IRS1: variants seen among roughly 807,000 people sequenced by gnomAD.
IRS1 encodes insulin receptor substrate 1.
In IRS1, 34 loss-of-function variants were observed where a neutral mutation model predicts 65.6. The observed-to-expected ratio is 0.52, with a 90% CI of 0.39 to 0.69. The LOEUF (loss-of-function observed/expected upper bound fraction) is 0.69, where lower values mean the gene tolerates loss of function less well. Among genes scored for constraint, IRS1 ranks in the 30% least tolerant of loss-of-function variants. IRS1 has a pLI of 0.00. For missense variants in IRS1, 1,641 were observed against 1,720.2 expected, an observed-to-expected ratio of 0.95 and a Z score of 0.81; for synonymous variants, 699 against 683.5, an observed-to-expected ratio of 1.02 and a Z score of -0.35.
At chr2:226,791,785 G>T (rs917161761) in intron 1 of IRS1, among the ~76,000 whole-genome samples, 14 of 151,990 alleles carry the variant, frequency 9.2e-5, no homozygotes, top group African/African-American at 3.4e-4. Context: ...GCGCGGCTGT[G>T]CCCGAGGGCG....
intron 1 of IRS1, among the ~76,000 whole-genome samples, chr2:226,781,599 G>T (rs1238026768): frequency 6.6e-6 from 1 of 152,072 alleles, no homozygotes; most frequent in Non-Finnish European, 1.5e-5. Context: ...AGGCTTTGAA[G>T]ACACAATAAC....
intron 1 of IRS1, among the ~76,000 whole-genome samples, chr2:226,753,841 CTGATTGATTGAT>C (rs113302205): frequency 5.9e-5 from 9 of 151,808 alleles, no homozygotes; most frequent in African/African-American, 1.5e-4. Context: ...AAACTCAGCA[CTGATTGATTGAT>C]TGATTGATTG....
intron 1 of IRS1, among the ~76,000 whole-genome samples, chr2:226,765,231 C>T (rs1413851569): frequency 6.6e-6 from 1 of 152,134 alleles, no homozygotes. Context: ...GCCACTATGC[C>T]CAGCTCACCA....
chr2:226,780,307 G>A (rs1170090378), intron 1 of IRS1, among the ~76,000 whole-genome samples: 8 of 152,238 alleles, frequency 5.3e-5, no homozygotes, highest in South Asian at 4.1e-4. Context: ...CAGGAGAATC[G>A]CTTGAACCTG....
At chr2:226,754,361 A>G (rs1356114204) in intron 1 of IRS1, among the ~76,000 whole-genome samples, 1 of 152,212 alleles carries the variant, frequency 6.6e-6, no homozygotes, top group African/African-American at 2.4e-5. Flanking sequence ...ACAAACACAT[A>G]CACAGTAATT....
At chr2:226,746,454 A>G (rs1342185337) in intron 1 of IRS1, among the ~76,000 whole-genome samples, 1 of 152,190 alleles carries the variant, frequency 6.6e-6, no homozygotes, top group African/African-American at 2.4e-5. Context: ...AATTGTTGGC[A>G]GCTGGAAGAG....
chr2:226,762,905 C>T (rs1938946238), intron 1 of IRS1, among the ~76,000 whole-genome samples: 1 of 152,186 alleles, frequency 6.6e-6, no homozygotes, highest in East Asian at 1.9e-4. Flanking sequence ...TCAGGTAAAA[C>T]TCTTACCTAA....
chr2:226,763,070 T>C (rs1455844525), intron 1 of IRS1, among the ~76,000 whole-genome samples: 1 of 152,132 alleles, frequency 6.6e-6, no homozygotes, highest in Non-Finnish European at 1.5e-5. Flanking sequence ...GTACAGTAAC[T>C]TTCTGAATAG....
chr2:226,732,446 A>T lies in IRS1; in HGVS notation c.*3826T>A, dbSNP rs1197141287. On this transcript the variant is annotated 3_prime_UTR_variant, in exon 2 of 2. Coordinates refer to ENST00000305123, the MANE Select transcript of IRS1 (RefSeq NM_005544.3). ...TAGAAGAGCATGCTTCTTCCTCTCA[A>T]GTTTCTCACAAGCCTATACATCTAT... The T allele has an allele frequency of 1.3e-5, 2 of 148,576 alleles. No homozygotes were observed. The highest frequency in any genetic ancestry group is 5.0e-5 in the African/African-American group (2 of 40,002). 9.2% of individuals were successfully genotyped at this position (148,576 alleles called of 1,614,324 possible). A position where few individuals can be genotyped will look rare whatever the true frequency, so the allele number is the denominator to read the frequency against.
At chr2:226,763,185 C>G (rs948632337) in intron 1 of IRS1, among the ~76,000 whole-genome samples, 1 of 152,152 alleles carries the variant, frequency 6.6e-6, no homozygotes, top group Non-Finnish European at 1.5e-5. Context: ...TTGCTGAAGG[C>G]CTTGTACTGC....
intron 1 of IRS1, among the ~76,000 whole-genome samples, chr2:226,753,299 A>C (rs1009376053): frequency 2.6e-5 from 4 of 152,220 alleles, no homozygotes; most frequent in African/African-American, 9.7e-5. Flanking sequence ...CTTTAAACTT[A>C]TAATTTTAAT....
rs186938633 is a variant in IRS1, at chr2:226,766,501, A to G, written c.*21+28488T>C. ...TTTTACCATGCATTTTAGAAGTACTAAAGTAGTCATTATCTTTGATTTGTT... is the reference window on the plus strand; with the variant it reads ...TTTTACCATGCATTTTAGAAGTACTGAAGTAGTCATTATCTTTGATTTGTT... On this transcript the variant is annotated intron_variant, in intron 1 of 1. Transcript: ENST00000305123. 9.5e-4 allele frequency among the ~76,000 whole-genome samples: 145 copies of G among 151,994 alleles called. 1 individual carries two copies. The highest frequency in any genetic ancestry group is 8.0e-3 in the Admixed American group (122 of 15,250).
chr2:226,795,366 C>T lies in IRS1; in HGVS notation c.3373G>A (p.Val1125Ile), dbSNP rs1939692746. ...CTGCTGCTACCGCCACCGCCCCCTACTGCTGCCCCCGCTCCAAAGGGCACT... is the reference window on the plus strand; with the variant it reads ...CTGCTGCTACCGCCACCGCCCCCTATTGCTGCCCCCGCTCCAAAGGGCACT... ...NTVPFGAGAA[V>I]GGGGGSSSSS... Residue 1125 changes from valine (V) to isoleucine (I), a missense_variant, in exon 1 of 2, where the codon GTA becomes ATA. Physicochemically the swap from Val to Ile is conservative, Grantham distance 29 (BLOSUM62 3). This residue lies in a region of IRS1 where 1,324 missense variants were observed against 1,361.0 expected (regional missense o/e 0.97). Coordinates refer to ENST00000305123, the MANE Select transcript of IRS1 (RefSeq NM_005544.3). 4 of 1,613,190 alleles carry T rather than the reference C, an allele frequency of 2.5e-6. No individual in the cohort carries two copies. Among genetic ancestry groups the T allele is most frequent in the Non-Finnish European group, 3.4e-6 (4 of 1,179,966 alleles).
At position 226,732,470 on chromosome 2, in the gene IRS1, A is replaced by ATC. The variant is rs763866409; in HGVS notation, c.*3801_*3802insGA. The ATC allele has an allele frequency of 1.5e-5, 2 of 134,556 alleles. No homozygotes were observed. The highest frequency in any genetic ancestry group is 6.3e-5 in the African/African-American group (2 of 31,620). The allele number at this position is 134,556 out of a possible 1,614,324, so 8.3% of individuals were successfully genotyped here. On this transcript the variant is annotated 3_prime_UTR_variant, in exon 2 of 2. Transcript: ENST00000305123. ...AAGTTTCTCACAAGCCTATACATCT[A>ATC]TATATATATATATATATATATACAC... is the stretch of plus-strand genomic sequence containing the variant.
intron 1 of IRS1, among the ~76,000 whole-genome samples, chr2:226,769,633 CATT>C (rs1333136628): frequency 6.6e-6 from 1 of 152,174 alleles, no homozygotes; most frequent in Non-Finnish European, 1.5e-5. Context: ...ATCAACCCAT[CATT>C]ATAACCTCAA....
chr2:226,773,530 G>A (rs1939201606), intron 1 of IRS1, among the ~76,000 whole-genome samples: 3 of 151,250 alleles, frequency 2.0e-5, no homozygotes, highest in Admixed American at 1.3e-4. Flanking sequence ...AGACAATTTC[G>A]GTGAGAGAGA....
chr2:226,750,132 C>T (rs1938644824), intron 1 of IRS1, among the ~76,000 whole-genome samples: 1 of 151,198 alleles, frequency 6.6e-6, no homozygotes, highest in African/African-American at 2.4e-5. Context: ...GCCTGTAATC[C>T]AAGCTACTTG....
intron 1 of IRS1, among the ~76,000 whole-genome samples, chr2:226,761,397 T>G (rs1466627305): frequency 6.6e-6 from 1 of 152,166 alleles, no homozygotes; most frequent in African/African-American, 2.4e-5. Flanking sequence ...CATGGAATTG[T>G]GCTGTACACA....
At position 226,796,841 on chromosome 2, in the gene IRS1, A is replaced by T; in HGVS notation, c.1898T>A (p.Met633Lys). The T allele has an allele frequency of 6.4e-7, 1 of 1,552,740 alleles. No individual in the cohort carries two copies. Among genetic ancestry groups the T allele is most frequent in the Non-Finnish European group, 8.7e-7 (1 of 1,147,634 alleles). Residue 633 changes from methionine (M) to lysine (K), a missense_variant, in exon 1 of 2, where the codon ATG (methionine) becomes AAG (lysine). Transcript: ENST00000305123. Reference protein sequence around the residue: ...PSGRKGSGDYMPMSPKSVSAP... With the variant: ...PSGRKGSGDYKPMSPKSVSAP... ...AGATACGCTCTTGGGGCTCATGGGC[A>T]TATAGTCTCCACTGCCCTTTCGGCC...
Sources: allele counts gnomAD v4.1 joint callset (sites outside exome capture counted in the v4.1 genomes callset), GRCh38; gene constraint gnomAD v4.1.1; regional missense constraint gnomAD v4.1.1; transcripts MANE v1.5; gene names NCBI Gene and HGNC (gene_info 2026-07-23, HGNC 2026-07-21).